PRKCB: variants seen among roughly 807,000 people sequenced by gnomAD.
PRKCB encodes the protein protein kinase C beta type.
PRKCB carries 13 observed loss-of-function variants against 81.5 expected under a neutral mutation model. The observed-to-expected ratio is 0.16, with a 90% CI of 0.10 to 0.25. The LOEUF (loss-of-function observed/expected upper bound fraction) is 0.25, where lower values mean the gene tolerates loss of function less well. Among genes scored for constraint, PRKCB ranks in the 10% least tolerant of loss-of-function variants. The pLI is 1.00. For synonymous variants in PRKCB, 335 were observed against 321.4 expected (o/e 1.04, Z -0.45); for missense variants, 509 against 875.7 (o/e 0.58, Z 5.29).
At chr16:24,155,491 T>G (rs1489479435) in intron 10 of PRKCB, among the ~76,000 whole-genome samples, 1 of 152,186 alleles carries the variant, frequency 6.6e-6, no homozygotes, top group Non-Finnish European at 1.5e-5. Flanking sequence ...AAATTAGACC[T>G]TGGTTTCCAT....
Position 23,866,337 on chromosome 16 carries a change from T to C in PRKCB, c.205+28931T>C, listed in dbSNP as rs540257743. 9.5e-4 allele frequency among the ~76,000 whole-genome samples: 145 copies of C among 152,358 alleles called. 2 individuals are homozygous for C. The highest frequency in any genetic ancestry group is 3.4e-3 in the African/African-American group (140 of 41,588). ...GCTAGATTTTGTGACCCAGCATAGA[T>C]GATATAGTGACATTGTCCTGCTGTG... On this transcript the variant is annotated intron_variant, in intron 2 of 16. Coordinates refer to ENST00000643927, the MANE Select transcript of PRKCB (RefSeq NM_002738.7).
intron 2 of PRKCB, among the ~76,000 whole-genome samples, chr16:23,935,587 G>A (rs1304720711): frequency 6.6e-6 from 1 of 151,808 alleles, no homozygotes; most frequent in Non-Finnish European, 1.5e-5. Flanking sequence ...TGTATTTTTT[G>A]TAGTATGTTC....
chr16:24,039,983 C>T (rs773988054), intron 5 of PRKCB, among the ~76,000 whole-genome samples: 3 of 152,196 alleles, frequency 2.0e-5, no homozygotes, highest in Admixed American at 6.5e-5. Context: ...GGCCCCACCT[C>T]ATCCAGACCC....
intron 9 of PRKCB, among the ~76,000 whole-genome samples, chr16:24,134,117 C>T (rs1966857909): frequency 6.6e-6 from 1 of 151,996 alleles, no homozygotes; most frequent in Non-Finnish European, 1.5e-5. Flanking sequence ...AGGCTGGTCT[C>T]GAACTCCTGG....
At chr16:24,041,053 A>ATTTT (rs142356879) in intron 5 of PRKCB, among the ~76,000 whole-genome samples, 11,438 of 136,716 alleles carry the variant, frequency 0.084, 632 homozygotes, top group East Asian at 0.18. Flanking sequence ...TGCAACAATA[A>ATTTT]TTTTTTTTGT....
rs34855077 is a variant in PRKCB, at chr16:24,147,306, C to CAAA, written c.1066-7364_1066-7362dup. ...CTGGGCAACAGAGGAGACTCTGTCT[C>CAAA]AAAAAAAAAAAAAAAACTTCACAGC... is the stretch of plus-strand genomic sequence containing the variant. On this transcript the variant is annotated intron_variant, in intron 9 of 16. Coordinates refer to ENST00000643927, the MANE Select transcript of PRKCB (RefSeq NM_002738.7). Among the ~76,000 whole-genome samples the CAAA allele has an allele frequency of 4.2e-3, 484 of 114,890 alleles. 10 individuals carry two copies. Among genetic ancestry groups the CAAA allele is most frequent in the Middle Eastern group, 9.3e-3 (2 of 214 alleles). The allele number at this position is 114,890 out of a possible 152,430, so 75.4% of individuals were successfully genotyped here. A position where few individuals can be genotyped will look rare whatever the true frequency, so the allele number is the denominator to read the frequency against.
chr16:23,932,854 A>T (rs372584432), intron 2 of PRKCB, among the ~76,000 whole-genome samples: 1 of 152,242 alleles, frequency 6.6e-6, no homozygotes, highest in African/African-American at 2.4e-5. Context: ...TTGCTTGCAA[A>T]TCTTAAGTAC....
In PRKCB at chr16:23,836,444, C is replaced by T; in HGVS notation, c.173+96C>T. ...CGCCCTCTGCGCCCTCCGCGCCCTC[C>T]GCACCCTGGGACCCCGCGTCTCCGG... On this transcript the variant is annotated intron_variant, in intron 1 of 16. Transcript: ENST00000643927. The T allele has an allele frequency of 2.7e-6, 4 of 1,465,116 alleles. No homozygotes were observed. The South Asian group carries it at 5.0e-5, about 18-fold the overall frequency. The allele number at this position is 1,465,116 out of a possible 1,614,324, so 90.8% of individuals were successfully genotyped here.
intron 16 of PRKCB, among the ~76,000 whole-genome samples, chr16:24,193,468 T>TAAATAAATAAATAAATAAATA (rs1967828440): frequency 1.9e-5 from 2 of 103,554 alleles, no homozygotes; most frequent in African/African-American, 8.2e-5. Flanking sequence ...AATAAATAAA[T>TAAATAAATAAATAAATAAATA]AAATAAATAA....
At chr16:24,035,843 C>T (rs1965609438) in intron 5 of PRKCB, among the ~76,000 whole-genome samples, 2 of 152,188 alleles carry the variant, frequency 1.3e-5, no homozygotes, top group South Asian at 4.1e-4. Flanking sequence ...CAGGATCCTC[C>T]ACTTCCCTTC....
At chr16:24,140,198 T>C (rs1966885601) in intron 9 of PRKCB, among the ~76,000 whole-genome samples, 1 of 152,212 alleles carries the variant, frequency 6.6e-6, no homozygotes, top group Non-Finnish European at 1.5e-5. Context: ...TCATCCGAAG[T>C]CTGACGCTTA....
chr16:23,875,173 G>T (rs1171793581), intron 2 of PRKCB, among the ~76,000 whole-genome samples: 3 of 151,612 alleles, frequency 2.0e-5, no homozygotes, highest in Non-Finnish European at 2.9e-5. Flanking sequence ...AAGTGGTTGG[G>T]ACTACAAGCA....
At chr16:23,905,354 G>A (rs1267942828) in intron 2 of PRKCB, among the ~76,000 whole-genome samples, 2 of 152,194 alleles carry the variant, frequency 1.3e-5, no homozygotes, top group Non-Finnish European at 2.9e-5. Context: ...ACAACACACA[G>A]TAGCTTGAAG....
At chr16:23,906,074 C>T (rs190062711) in intron 2 of PRKCB, among the ~76,000 whole-genome samples, 4 of 152,140 alleles carry the variant, frequency 2.6e-5, no homozygotes, top group Non-Finnish European at 5.9e-5. Flanking sequence ...ATAGGTGTCG[C>T]ATTGGAATCA....
At chr16:24,194,098 G>A (rs1324352908) in intron 16 of PRKCB, among the ~76,000 whole-genome samples, 3 of 152,034 alleles carry the variant, frequency 2.0e-5, no homozygotes, top group Non-Finnish European at 4.4e-5. Context: ...AGGCTGAGCC[G>A]GGCAGATCAC....
At chr16:24,124,884 C>A (rs918317061) in intron 9 of PRKCB, among the ~76,000 whole-genome samples, 3 of 152,196 alleles carry the variant, frequency 2.0e-5, no homozygotes, top group Non-Finnish European at 4.4e-5. Context: ...ATGTACAATG[C>A]ATTGGCGAAT....
At chr16:23,936,692 TG>T (rs1381547640) in intron 2 of PRKCB, among the ~76,000 whole-genome samples, 1 of 150,506 alleles carries the variant, frequency 6.6e-6, no homozygotes. Context: ...CCCAAAATGC[TG>T]GGATTACAGA....
intron 2 of PRKCB, among the ~76,000 whole-genome samples, chr16:23,866,435 T>C (rs1033762125): frequency 5.9e-5 from 9 of 152,224 alleles, no homozygotes; most frequent in Non-Finnish European, 7.3e-5. Flanking sequence ...ATAGATAAGA[T>C]TGAAGACCTT....
chr16:23,984,672 A>C (rs1596498905), intron 2 of PRKCB, among the ~76,000 whole-genome samples: 1 of 152,348 alleles, frequency 6.6e-6, no homozygotes, highest in East Asian at 1.9e-4. Context: ...GAAAGAGAAA[A>C]GGTGTAATAT....
Sources: allele counts gnomAD v4.1 joint callset (sites outside exome capture counted in the v4.1 genomes callset), GRCh38; gene constraint gnomAD v4.1.1; transcripts MANE v1.5; gene names NCBI Gene and HGNC (gene_info 2026-07-23, HGNC 2026-07-21).